The following SLC44A3 variants were observed in gnomAD, a reference collection of about 807,000 sequenced individuals.
The protein encoded by SLC44A3 is solute carrier family 44 member 3.
SLC44A3 carries 74 observed loss-of-function variants against 75.4 expected under a neutral mutation model. That is an observed-to-expected ratio of 0.98 (90% CI 0.81 to 1.19). The LOEUF (loss-of-function observed/expected upper bound fraction) is 1.19. Ranked by LOEUF, SLC44A3 falls within the 50% of genes most tolerant of loss-of-function variation. SLC44A3 has a pLI of 0.00. For synonymous variants in SLC44A3, 310 were observed against 296.9 expected, an observed-to-expected ratio of 1.04 and a Z score of -0.45; for missense variants, 700 against 778.6, an observed-to-expected ratio of 0.90 and a Z score of 1.20.
Position 94,839,890 on chromosome 1 carries a change from A to G in SLC44A3, c.671-58A>G, listed in dbSNP as rs369657100. On this transcript the variant is annotated intron_variant, in intron 6 of 14. Transcript: ENST00000271227. The stretch of plus-strand genomic sequence containing the variant: ...AGGGTTTTGTCATCGCAGTACTACC[A>G]TCATCTCCCCTATCCTTTGTTGCTA... 92 of 1,267,786 alleles carry G rather than the reference A, an allele frequency of 7.3e-5. 1 individual carries two copies. The highest frequency in any genetic ancestry group is 6.7e-4 in the East Asian group (29 of 43,290). The allele number at this position is 1,267,786 out of a possible 1,614,324, so 78.5% of individuals were successfully genotyped here. A position where few individuals can be genotyped will look rare whatever the true frequency, so the allele number is the denominator to read the frequency against.
intron 12 of SLC44A3, among the ~76,000 whole-genome samples, chr1:94,878,553 A>T (rs1394521642): frequency 1.3e-5 from 2 of 152,244 alleles, no homozygotes; most frequent in East Asian, 3.8e-4. Flanking sequence ...CTGTAACCAC[A>T]CTTAGAACTG....
intron 7 of SLC44A3, among the ~76,000 whole-genome samples, chr1:94,841,213 A>G (rs1400729912): frequency 1.3e-5 from 2 of 152,236 alleles, no homozygotes; most frequent in Non-Finnish European, 2.9e-5. Context: ...AGCACAGAAA[A>G]GTACAGTATT....
chr1:94,857,270 T>A, intron 9 of SLC44A3, 65 bp from the exon 10 acceptor site: 1 of 1,443,138 alleles, frequency 6.9e-7, no homozygotes, highest in Non-Finnish European at 9.2e-7. Context: ...AAACATGGCT[T>A]GTTGAACCAT....
chr1:94,857,187 T>A, intron 9 of SLC44A3, 148 bp from the exon 10 acceptor site: 2 of 734,662 alleles, frequency 2.7e-6, no homozygotes, highest in Non-Finnish European at 2.1e-6. Flanking sequence ...TTTTGATTTT[T>A]GTATATTTTA....
At chr1:94,861,568 T>C (rs770959967) in intron 10 of SLC44A3, among the ~76,000 whole-genome samples, 6 of 152,238 alleles carry the variant, frequency 3.9e-5, no homozygotes, top group Non-Finnish European at 7.3e-5. Context: ...TTAGCACAAC[T>C]ATTGCATTTA....
At chr1:94,851,552 C>T (rs1406947966) in intron 9 of SLC44A3, among the ~76,000 whole-genome samples, 2 of 152,206 alleles carry the variant, frequency 1.3e-5, no homozygotes, top group African/African-American at 4.8e-5. Flanking sequence ...CAGTTCCCTA[C>T]CTGAATGGAT....
chr1:94,873,613 C>T (rs574626562), intron 12 of SLC44A3, among the ~76,000 whole-genome samples: 1 of 152,166 alleles, frequency 6.6e-6, no homozygotes, highest in East Asian at 1.9e-4. Context: ...TGTAGTATCT[C>T]CAAACATTCT....
chr1:94,855,946 A>G (rs770343022), intron 9 of SLC44A3, among the ~76,000 whole-genome samples: 16 of 152,248 alleles, frequency 1.1e-4, no homozygotes, highest in Non-Finnish European at 2.1e-4. Flanking sequence ...GAAAAGATCT[A>G]GAAATCATAT....
At chr1:94,864,034 C>T (rs989549954) in intron 10 of SLC44A3, among the ~76,000 whole-genome samples, 1 of 152,224 alleles carries the variant, frequency 6.6e-6, no homozygotes, top group Non-Finnish European at 1.5e-5. Flanking sequence ...CATCAGCCCC[C>T]ACTCCTTTGT....
Position 94,869,469 on chromosome 1 carries a change from T to A in SLC44A3, c.1482+2052T>A, listed in dbSNP as rs577026692. Among the ~76,000 whole-genome samples the A allele has an allele frequency of 7.5e-4, 115 of 152,324 alleles. No homozygotes were observed. The Middle Eastern group carries it at 0.024, about 32-fold the overall frequency. On this transcript the variant is annotated intron_variant, in intron 12 of 14. Coordinates refer to ENST00000271227, the MANE Select transcript of SLC44A3 (RefSeq NM_001114106.3). ...CACTAGGCTGTGGCTAAACCTGCTT[T>A]GTAGTGTCTTTTCCTTGGGGTGACT...
At chr1:94,820,751 C>A (rs1034451782) in intron 1 of SLC44A3, 198 bp from the exon 2 acceptor site, 29 of 1,395,396 alleles carry the variant, frequency 2.1e-5, no homozygotes, top group Non-Finnish European at 1.9e-6. Flanking sequence ...GGGGGCTTAA[C>A]ATCCGCTCCG....
chr1:94,842,658 A>C (rs1036195366), intron 8 of SLC44A3, among the ~76,000 whole-genome samples: 9 of 152,254 alleles, frequency 5.9e-5, no homozygotes, highest in African/African-American at 1.7e-4. Context: ...GGTGGTTGGC[A>C]ACCAAATGTC....
Position 94,832,980 on chromosome 1 carries a change from TA to T in SLC44A3, c.509+4397del, listed in dbSNP as rs201016507. Among the ~76,000 whole-genome samples the T allele has an allele frequency of 5.0e-3, 750 of 151,376 alleles. 4 individuals are homozygous for T. Among genetic ancestry groups the T allele is most frequent in the African/African-American group, 0.015 (621 of 41,226 alleles). On this transcript the variant is annotated intron_variant, in intron 5 of 14. Coordinates refer to ENST00000271227, the MANE Select transcript of SLC44A3 (RefSeq NM_001114106.3). The stretch of plus-strand genomic sequence containing the variant: ...AGACCCTGTCTCAACTTTTTTTTTT[TA>T]AATTAAAAAATATTCAGCCCAATGT...
intron 2 of SLC44A3, 50 bp from the exon 3 acceptor site, chr1:94,824,443 T>C: frequency 6.5e-7 from 1 of 1,535,868 alleles, no homozygotes; most frequent in Non-Finnish European, 8.7e-7. Context: ...TGTGGGGCAC[T>C]GTGCGCTCAG....
intron 9 of SLC44A3, among the ~76,000 whole-genome samples, chr1:94,852,565 G>A (rs1400595367): frequency 9.2e-5 from 14 of 152,174 alleles, no homozygotes; most frequent in Non-Finnish European, 1.3e-4. Context: ...TCTGGCCTTT[G>A]TAGGAACTTT....
At chr1:94,835,579 TA>T (rs1195340681) in intron 5 of SLC44A3, among the ~76,000 whole-genome samples, 1 of 152,244 alleles carries the variant, frequency 6.6e-6, no homozygotes, top group Non-Finnish European at 1.5e-5. Context: ...AGTTTACTTT[TA>T]AAAATGCTCT....
chr1:94,868,502 A>G (rs1336511839), intron 12 of SLC44A3, among the ~76,000 whole-genome samples: 1 of 152,222 alleles, frequency 6.6e-6, no homozygotes, highest in East Asian at 1.9e-4. Flanking sequence ...ATAAGCCAGC[A>G]TGTATAAAAC....
Position 94,846,146 on chromosome 1 carries a change from C to CA in SLC44A3, c.1072+699dup, listed in dbSNP as rs66647106. ...TGGGTGACAGAGCAAGACTCTGTCT[C>CA]AAAAAAAAAAAAAAAAAGTGTTATG... On this transcript the variant is annotated intron_variant, in intron 9 of 14. Coordinates refer to ENST00000271227, the MANE Select transcript of SLC44A3 (RefSeq NM_001114106.3). Among the ~76,000 whole-genome samples, 1,043 of 120,192 alleles carry CA rather than the reference C, an allele frequency of 8.7e-3. 30 individuals carry two copies. Among genetic ancestry groups the CA allele is most frequent in the African/African-American group, 0.025 (782 of 31,512 alleles). The allele number at this position is 120,192 out of a possible 152,430, so 78.9% of individuals were successfully genotyped here.
Position 94,881,431 on chromosome 1 carries a change from G to A in SLC44A3, c.1483-9699G>A, listed in dbSNP as rs1047192087. Among the ~76,000 whole-genome samples, 10 of 152,298 alleles carry A rather than the reference G, an allele frequency of 6.6e-5. No homozygotes were observed. The East Asian group carries it at 1.3e-3, about 21-fold the overall frequency. ...TCTCTTAAGAACCAATCGGCCAGGC[G>A]CGGTGGCTGATGCCTGTAATCCCAG... On this transcript the variant is annotated intron_variant, in intron 12 of 14. Coordinates refer to ENST00000271227, the MANE Select transcript of SLC44A3 (RefSeq NM_001114106.3).
Sources: allele counts gnomAD v4.1 joint callset (sites outside exome capture counted in the v4.1 genomes callset), GRCh38; gene constraint gnomAD v4.1.1; transcripts MANE v1.5; gene names NCBI Gene and HGNC (gene_info 2026-07-23, HGNC 2026-07-21).